RPS6KC1: variants seen among roughly 807,000 people sequenced by gnomAD.
RPS6KC1 encodes the protein ribosomal protein S6 kinase C1.
In RPS6KC1, 54 loss-of-function variants were observed where a neutral mutation model predicts 103.8. That is an observed-to-expected ratio of 0.52 (90% CI 0.42 to 0.65). The LOEUF (loss-of-function observed/expected upper bound fraction) is 0.65. Ranked by LOEUF, RPS6KC1 falls within the 30% of genes least tolerant of loss-of-function variation. The pLI is 0.00. For missense variants in RPS6KC1, 1,151 were observed against 1,253.8 expected, an observed-to-expected ratio of 0.92 and a Z score of 1.24; for synonymous variants, 439 against 438.7, an observed-to-expected ratio of 1.00 and a Z score of -0.01.
the RPS6KC1 span, among the ~76,000 whole-genome samples, chr1:213,366,923 C>T: frequency 2.6e-5 from 4 of 152,340 alleles, no homozygotes; most frequent in South Asian, 8.3e-4. Context: ...TTTTCCAGAA[C>T]TATTAGATTA....
At chr1:213,568,707 G>T in the RPS6KC1 span, among the ~76,000 whole-genome samples, 1 of 152,238 alleles carries the variant, frequency 6.6e-6, no homozygotes, top group South Asian at 2.1e-4. Flanking sequence ...CTGCAAGATT[G>T]TCACTTGCTC....
At chr1:213,280,720 A>T in the RPS6KC1 span, among the ~76,000 whole-genome samples, 1 of 152,090 alleles carries the variant, frequency 6.6e-6, no homozygotes, top group African/African-American at 2.4e-5. Context: ...TTTCACTTTA[A>T]ATTATGGATC....
chr1:213,651,976 G>T, the RPS6KC1 span, among the ~76,000 whole-genome samples: 1 of 152,020 alleles, frequency 6.6e-6, no homozygotes, highest in Non-Finnish European at 1.5e-5. Context: ...GACTCACCCT[G>T]TACTATTTGT....
At chr1:213,393,764 T>G in the RPS6KC1 span, among the ~76,000 whole-genome samples, 1 of 151,856 alleles carries the variant, frequency 6.6e-6, no homozygotes, top group South Asian at 2.1e-4. Flanking sequence ...TGGGATTGAG[T>G]AAGGGCAGAC....
the RPS6KC1 span, among the ~76,000 whole-genome samples, chr1:213,504,335 AT>A: frequency 6.6e-6 from 1 of 151,908 alleles, no homozygotes; most frequent in Non-Finnish European, 1.5e-5. Flanking sequence ...TATCCTTACA[AT>A]TTTTTTTAAC....
intron 1 of RPS6KC1, among the ~76,000 whole-genome samples, chr1:213,063,409 A>T (rs2078019647): frequency 6.6e-6 from 1 of 152,152 alleles, no homozygotes; most frequent in African/African-American, 2.4e-5. Flanking sequence ...TCTATTTTCT[A>T]GGTCTTTGGT....
chr1:213,657,965 C>T, the RPS6KC1 span, among the ~76,000 whole-genome samples: 1 of 152,286 alleles, frequency 6.6e-6, no homozygotes, highest in Non-Finnish European at 1.5e-5. Flanking sequence ...TGAATGGTTG[C>T]ATGACTCAGC....
At chr1:213,843,166 TC>T in the RPS6KC1 span, among the ~76,000 whole-genome samples, 11 of 152,214 alleles carry the variant, frequency 7.2e-5, no homozygotes, top group Non-Finnish European at 1.5e-4. Context: ...CTTAAGACCT[TC>T]TGCTGATTGG....
rs545071402 is a variant in RPS6KC1 at position 213,071,876 on chromosome 1, C to T, written c.141+835C>T. 3.5e-5 allele frequency among the ~76,000 whole-genome samples: 5 copies of T among 144,278 alleles called. No homozygotes were observed. In the East Asian group the frequency reaches 8.2e-4, roughly 24 times the overall value. 94.7% of individuals were successfully genotyped at this position (144,278 alleles called of 152,430 possible). On this transcript the variant is annotated intron_variant, in intron 2 of 14. Transcript: ENST00000366960. The stretch of plus-strand genomic sequence containing the variant: ...TTCTGTGCATTTTTTCATTTTTTTT[C>T]CTTCTTTCTATAATGGTACCAGCCT...
At chr1:213,125,153 T>C (rs1025458238) in intron 5 of RPS6KC1, among the ~76,000 whole-genome samples, 2 of 152,138 alleles carry the variant, frequency 1.3e-5, no homozygotes, top group Non-Finnish European at 2.9e-5. Context: ...TTCTATATTA[T>C]AGAATTACCT....
chr1:213,307,667 A>G, the RPS6KC1 span, among the ~76,000 whole-genome samples: 4 of 152,130 alleles, frequency 2.6e-5, no homozygotes, highest in Non-Finnish European at 4.4e-5. Flanking sequence ...TTTCCTTTTC[A>G]GTTCCTTCAA....
At chr1:213,482,047 C>G in the RPS6KC1 span, among the ~76,000 whole-genome samples, 3 of 152,300 alleles carry the variant, frequency 2.0e-5, no homozygotes, top group South Asian at 6.2e-4. Flanking sequence ...TCCTGCTTCA[C>G]CTTCTGCCAT....
chr1:213,743,248 C>T, the RPS6KC1 span, among the ~76,000 whole-genome samples: 3 of 152,298 alleles, frequency 2.0e-5, no homozygotes, highest in Non-Finnish European at 4.4e-5. Flanking sequence ...AACATGGACG[C>T]AGCTGGAAGC....
the RPS6KC1 span, among the ~76,000 whole-genome samples, chr1:213,838,446 G>T: frequency 1.3e-5 from 2 of 152,112 alleles, no homozygotes; most frequent in Non-Finnish European, 2.9e-5. Flanking sequence ...GAGCAAAGAA[G>T]TGATGGCTGG....
chr1:213,277,800 A>C (rs1044450511), downstream of RPS6KC1, among the ~76,000 whole-genome samples: 5 of 152,248 alleles, frequency 3.3e-5, no homozygotes, highest in African/African-American at 1.2e-4. Context: ...TGTGGTAGGA[A>C]AGAATGACAA....
At chr1:213,501,183 G>A in the RPS6KC1 span, among the ~76,000 whole-genome samples, 2 of 152,140 alleles carry the variant, frequency 1.3e-5, no homozygotes, top group African/African-American at 4.8e-5. Context: ...GTAAGACTAG[G>A]TTTGCTCTCC....
At chr1:213,822,465 C>G in the RPS6KC1 span, 2 of 152,088 alleles carry the variant, frequency 1.3e-5, no homozygotes, top group Non-Finnish European at 2.9e-5. Context: ...TTCAATGGTC[C>G]CACCTAATGC....
At position 213,077,711 on chromosome 1, in the gene RPS6KC1, A is replaced by C. The variant is rs775993628; in HGVS notation, c.157A>C (p.Arg53=). The change falls in exon 3 of 15, where the codon AGA becomes CGA. Residue 53 remains arginine, a synonymous_variant. Coordinates refer to ENST00000366960, the MANE Select transcript of RPS6KC1 (RefSeq NM_012424.6). Reference sequence around the variant, plus strand: ...TTCTCTCTAGATAATTGTATGGAAGAGATACAGTGATTTTAAGAAACTACA... The same window carrying C: ...TTCTCTCTAGATAATTGTATGGAAGCGATACAGTGATTTTAAGAAACTACA... The part of the protein sequence containing the change: ...EDVQEIIVWK[R]YSDFKKLHKE... 4.7e-6 allele frequency: 7 copies of C among 1,474,902 alleles called. No individual in the cohort carries two copies. The African/African-American group carries it at 8.4e-5, about 18-fold the overall frequency. The allele number at this position is 1,474,902 out of a possible 1,614,324, so 91.4% of individuals were successfully genotyped here. A position where few individuals can be genotyped will look rare whatever the true frequency, so the allele number is the denominator to read the frequency against.
At chr1:213,180,077 G>A (rs2092168345) in intron 8 of RPS6KC1, among the ~76,000 whole-genome samples, 1 of 151,910 alleles carries the variant, frequency 6.6e-6, no homozygotes, top group Admixed American at 6.6e-5. Context: ...TTCTTCAATT[G>A]GGATTATAAA....
Sources: allele counts gnomAD v4.1 joint callset (sites outside exome capture counted in the v4.1 genomes callset), GRCh38; gene constraint gnomAD v4.1.1; transcripts MANE v1.5; gene names NCBI Gene and HGNC (gene_info 2026-07-23, HGNC 2026-07-21).